Variants in MIA2 observed in about 807,000 individuals in gnomAD.
The protein encoded by MIA2 is MIA SH3 domain ER export factor 2.
MIA2 carries 127 observed loss-of-function variants against 167.8 expected under a neutral mutation model. That is an observed-to-expected ratio of 0.76 (90% confidence interval 0.66 to 0.88). MIA2 has a LOEUF of 0.88. Among genes scored for constraint, MIA2 ranks in the 40% least tolerant of loss-of-function variants. The pLI is 0.00. For missense variants in MIA2, 1,690 were observed against 1,624.7 expected (o/e 1.04, Z -0.69); for synonymous variants, 552 against 541.9 (o/e 1.02, Z -0.26).
At position 39,326,926 on chromosome 14, in the gene MIA2, T is replaced by C; in HGVS notation, c.3559T>C (p.Cys1187Arg). 1 of 1,598,170 alleles carries C rather than the reference T, an allele frequency of 6.3e-7. No individual in the cohort carries two copies. The highest frequency in any genetic ancestry group is 1.4e-5 in the African/African-American group (1 of 73,876). The change falls in exon 25 of 29, where the codon TGT becomes CGT. Residue 1187 changes from cysteine (C) to arginine (R), a missense_variant. Coordinates refer to ENST00000640607, the MANE Select transcript of MIA2 (RefSeq NM_001329214.4). ...TACCAATGAAAGAGGAGAATCAAGC[T>C]GTGATAGGTTAACCGATCCTCATAG... ...QITNERGESS[C>R]DRLTDPHRAP...
chr14:39,271,680 A>T (rs2057168130), intron 6 of MIA2, among the ~76,000 whole-genome samples: 1 of 152,054 alleles, frequency 6.6e-6, no homozygotes, highest in Admixed American at 6.6e-5. Context: ...TTGTAATCCC[A>T]GCACTTTGGG....
At chr14:39,355,343 GCTTT>G (rs1257036754), downstream of MIA2, among the ~76,000 whole-genome samples, 6 of 152,070 alleles carry the variant, frequency 3.9e-5, no homozygotes, top group African/African-American at 1.2e-4. Flanking sequence ...TCATGATTTG[GCTTT>G]CTGTTTGTCT....
At chr14:39,310,587 A>G (rs2064078761) in intron 18 of MIA2, among the ~76,000 whole-genome samples, 1 of 152,210 alleles carries the variant, frequency 6.6e-6, no homozygotes, top group Non-Finnish European at 1.5e-5. Flanking sequence ...CTAACCCTGT[A>G]TTACCCTTAG....
rs138668599 is a variant in MIA2, at chr14:39,358,632, T to C, written c.2248+9655T>C. Among the ~76,000 whole-genome samples, 354 of 152,306 alleles carry C rather than the reference T, an allele frequency of 2.3e-3. 1 individual carries two copies. Among genetic ancestry groups the C allele is most frequent in the African/African-American group, 7.9e-3 (328 of 41,556 alleles). On this transcript the variant is annotated intron_variant, in intron 23 of 23. Coordinates refer to the MIA2 transcript ENST00000341502. ...CTTTGGAGGAGGAGAGGCTCTCTGA[T>C]TTTTAGAATTTTCAGTTTTTCTGGT...
intron 18 of MIA2, among the ~76,000 whole-genome samples, chr14:39,312,296 CAT>C (rs71435643): frequency 0.089 from 13,492 of 152,306 alleles, 805 homozygotes; most frequent in Middle Eastern, 0.14. Flanking sequence ...TGTAAAAACA[CAT>C]CTCTCTTCCA....
intron 25 of MIA2, among the ~76,000 whole-genome samples, chr14:39,339,242 C>T (rs2071215413): frequency 6.6e-6 from 1 of 152,158 alleles, no homozygotes; most frequent in South Asian, 2.1e-4. Flanking sequence ...CAAACAGTTC[C>T]TAACAGCCCG....
chr14:39,347,681 T>C, intron 26 of MIA2, 32 bp from the exon 27 acceptor site: 1 of 1,604,838 alleles, frequency 6.2e-7, no homozygotes, highest in South Asian at 1.1e-5. Context: ...TGATAAATCA[T>C]GTACTTTTCA....
At position 39,293,384 on chromosome 14, in the gene MIA2, A is replaced by G. The variant is rs1336031578; in HGVS notation, c.2319+3A>G. 2.0e-6 allele frequency: 3 copies of G among 1,532,226 alleles called. No homozygotes were observed. The Admixed American group carries it at 5.5e-5, about 28-fold the overall frequency. 94.9% of individuals were successfully genotyped at this position (1,532,226 alleles called of 1,614,324 possible). The stretch of plus-strand genomic sequence containing the variant: ...AACATTCTGAACAAGATGAATTGGT[A>G]AGGCTTTTTTATTTGAGGAGAATAT... On this transcript the variant is annotated splice_donor_region_variant and intron_variant, in intron 11 of 28. Coordinates refer to ENST00000640607, the MANE Select transcript of MIA2 (RefSeq NM_001329214.4).
At chr14:39,274,529 A>G (rs1232359505) in intron 6 of MIA2, among the ~76,000 whole-genome samples, 1 of 148,854 alleles carries the variant, frequency 6.7e-6, no homozygotes, top group East Asian at 2.0e-4. Flanking sequence ...GGGTTCAGGC[A>G]ATTCTTGTAT....
At chr14:39,281,182 C>G (rs1055831775) in intron 9 of MIA2, among the ~76,000 whole-genome samples, 1 of 152,126 alleles carries the variant, frequency 6.6e-6, no homozygotes, top group Non-Finnish European at 1.5e-5. Context: ...GTCTTGGCTT[C>G]CCAAAGTGCT....
At chr14:39,338,562 G>C (rs2071028038) in intron 25 of MIA2, among the ~76,000 whole-genome samples, 1 of 151,162 alleles carries the variant, frequency 6.6e-6, no homozygotes, top group South Asian at 2.1e-4. Flanking sequence ...CTTGAATAAT[G>C]TAAGTGAGTT....
intron 25 of MIA2, among the ~76,000 whole-genome samples, chr14:39,341,667 G>GA (rs561192404): frequency 9.7e-4 from 147 of 151,890 alleles, no homozygotes; most frequent in African/African-American, 3.4e-3. Flanking sequence ...GATCTGAAGA[G>GA]AAAAAAAGGT....
In MIA2 at chr14:39,291,029, A is replaced by G. The variant is rs773357791; in HGVS notation, c.2141A>G (p.Tyr714Cys). Residue 714 changes from tyrosine (Y) to cysteine (C), a missense_variant, in exon 10 of 29, where the codon TAT becomes TGT. Physicochemically the swap from Tyr to Cys is radical, Grantham distance 194. Transcript: ENST00000640607. Reference protein sequence around the residue: ...FSLVQKEYEGYEVESSLKDAS... With the variant: ...FSLVQKEYEGCEVESSLKDAS... ...GTTGCTTTGTTTCAGTATGAAGGCT[A>G]TGAAGTAGAGTCATCTTTAAAGGAT... 6 of 1,607,318 alleles carry G rather than the reference A, an allele frequency of 3.7e-6. No individual in the cohort carries two copies. The highest frequency in any genetic ancestry group is 4.2e-6 in the Non-Finnish European group (5 of 1,177,654).
intron 23 of MIA2, chr14:39,386,507 GC>G: frequency 7.0e-7 from 1 of 1,436,896 alleles, no homozygotes. Context: ...GGGATTCTTG[GC>G]CTTTTTTTTT....
At chr14:39,258,414 T>A (rs963013232) in intron 6 of MIA2, among the ~76,000 whole-genome samples, 1 of 152,318 alleles carries the variant, frequency 6.6e-6, no homozygotes, top group East Asian at 1.9e-4. Context: ...GAAGTTCTTA[T>A]GCTGTGTTTT....
intron 9 of MIA2, among the ~76,000 whole-genome samples, chr14:39,288,904 C>T (rs542915533): frequency 6.6e-6 from 1 of 152,102 alleles, no homozygotes; most frequent in South Asian, 2.1e-4. Context: ...AGATATTGAC[C>T]TGTAGGTTTG....
intron 23 of MIA2, among the ~76,000 whole-genome samples, chr14:39,382,667 G>A (rs551930641): frequency 4.6e-5 from 7 of 152,270 alleles, no homozygotes; most frequent in African/African-American, 1.7e-4. Flanking sequence ...AACATAGAGT[G>A]GAGATATTTG....
At chr14:39,275,262 T>G (rs1422271494) in intron 6 of MIA2, among the ~76,000 whole-genome samples, 1 of 151,430 alleles carries the variant, frequency 6.6e-6, no homozygotes, top group African/African-American at 2.4e-5. Context: ...CACCTCAGCC[T>G]TTCTAGTAGC....
intron 3 of MIA2, among the ~76,000 whole-genome samples, chr14:39,241,064 C>T (rs533675005): frequency 1.1e-4 from 16 of 152,280 alleles, no homozygotes; most frequent in Admixed American, 4.6e-4. Flanking sequence ...CATAGAACAG[C>T]ATTAAATGCT....
Sources: gnomAD v4.1 joint callset for allele counts (sites outside exome capture counted in the v4.1 genomes callset) on GRCh38, gnomAD v4.1.1 for gene constraint, MANE v1.5 for transcripts, NCBI Gene and HGNC (gene_info 2026-07-23, HGNC 2026-07-21) for gene names.